HPS4: variants seen among roughly 807,000 people sequenced by gnomAD.
HPS4 encodes BLOC-3 complex member HPS4.
In HPS4, 44 loss-of-function variants were observed where a neutral mutation model predicts 70.3. That is an observed-to-expected ratio of 0.63 (90% CI 0.49 to 0.80). The LOEUF (loss-of-function observed/expected upper bound fraction) is 0.80. Ranked by LOEUF, HPS4 falls within the 30% of genes least tolerant of loss-of-function variation. The pLI, the probability that HPS4 is intolerant of heterozygous loss-of-function variation, is 0.00. For synonymous variants in HPS4, 377 were observed against 355.9 expected, an observed-to-expected ratio of 1.06 and a Z score of -0.67; for missense variants, 873 against 884.4, an observed-to-expected ratio of 0.99 and a Z score of 0.16.
intron 13 of HPS4, chr22:26,454,031 G>A (rs1238242242): frequency 2.6e-5 from 4 of 153,572 alleles, no homozygotes; most frequent in African/African-American, 4.8e-5. Context: ...CACCTGGGAG[G>A]AGCCAACTCC....
At chr22:26,480,590 C>T (rs562952612) in intron 2 of HPS4, among the ~76,000 whole-genome samples, 3 of 152,300 alleles carry the variant, frequency 2.0e-5, no homozygotes, top group African/African-American at 4.8e-5. Context: ...TGAAGCCTCC[C>T]TCCATGGCTC....
chr22:26,466,511 A>C, intron 8 of HPS4: 1 of 596,624 alleles, frequency 1.7e-6, no homozygotes, highest in Non-Finnish European at 3.0e-6. Context: ...CCAAACTCAC[A>C]TCACACTCTA....
chr22:26,457,943 G>A lies in HPS4; in HGVS notation c.1871C>T (p.Pro624Leu), dbSNP rs560591308. 29 of 1,613,572 alleles carry A rather than the reference G, an allele frequency of 1.8e-5. No homozygotes were observed. In the East Asian group the frequency reaches 2.5e-4, roughly 14 times the overall value. Reference sequence around the variant, plus strand: ...GGCCTGGAGGAAGCGGCGATCCTGCGGGGTGGCCACCTGCGGCAGGTTTGC... The same window carrying A: ...GGCCTGGAGGAAGCGGCGATCCTGCAGGGTGGCCACCTGCGGCAGGTTTGC... ...LMANLPQVAT[P>L]QDRRFLQAVS... is the part of the protein sequence containing the mutation. The change falls in exon 13 of 14, where the codon CCG becomes CTG. Residue 624 changes from proline to leucine, a missense_variant. Physicochemically the swap from Pro to Leu is moderately conservative, Grantham distance 98 (BLOSUM62 -3). Transcript: ENST00000398145.
intron 12 of HPS4, 82 bp downstream of exon 12, chr22:26,458,363 T>C (rs2086578703): frequency 1.3e-6 from 2 of 1,547,434 alleles, no homozygotes; most frequent in Admixed American, 3.3e-5. Context: ...CGTGTCATCA[T>C]GATGCTGGGG....
chr22:26,474,194 G>A (rs1342684108), intron 4 of HPS4, among the ~76,000 whole-genome samples: 1 of 152,306 alleles, frequency 6.6e-6, no homozygotes, highest in African/African-American at 2.4e-5. Context: ...TAAAGCTATA[G>A]AAATCAAGAC....
rs1433221509 is a variant in HPS4 at position 26,483,782 on chromosome 22, A to G, written c.-587T>C. The G allele has an allele frequency of 1.3e-6, 1 of 763,808 alleles. No individual in the cohort carries two copies. The highest frequency in any genetic ancestry group is 3.8e-5 in the South Asian group (1 of 26,152). 47.3% of individuals were successfully genotyped at this position (763,808 alleles called of 1,614,324 possible). On this transcript the variant is annotated 5_prime_UTR_variant, in exon 1 of 14. Coordinates refer to ENST00000398145, the MANE Select transcript of HPS4 (RefSeq NM_022081.6). ...CCCCGTACCTGCGCGCGCGGCAGAG[A>G]GGCCTTAGGTCACGCGCCGCCCCGC...
intron 6 of HPS4, 108 bp downstream of exon 6, chr22:26,472,194 T>A (rs2089918212): frequency 1.2e-6 from 1 of 807,380 alleles, no homozygotes; most frequent in Admixed American, 1.7e-5. Flanking sequence ...GCCTGAGAAG[T>A]GACATTCTAC....
At chr22:26,467,519 G>A (rs1421976946) in intron 8 of HPS4, 3 of 152,146 alleles carry the variant, frequency 2.0e-5, no homozygotes, top group African/African-American at 7.2e-5. Flanking sequence ...ATTCCTAGAA[G>A]TCAAATTATT....
intron 12 of HPS4, 33 bp from the exon 13 acceptor site, chr22:26,458,000 A>C (rs78776248): frequency 2.6e-6 from 4 of 1,549,766 alleles, no homozygotes; most frequent in Non-Finnish European, 3.5e-6. Context: ...TGTGAAGAGC[A>C]GACAGTTACC....
Position 26,481,953 on chromosome 22 carries a change from G to A in HPS4, c.-191C>T. 1.6e-6 allele frequency: 1 copy of A among 630,196 alleles called. No homozygotes were observed. The highest frequency in any genetic ancestry group is 2.9e-6 in the Non-Finnish European group (1 of 346,480). The allele number at this position is 630,196 out of a possible 1,614,324, so 39.0% of individuals were successfully genotyped here. On this transcript the variant is annotated 5_prime_UTR_variant, in exon 2 of 14. An upstream open reading frame in the 5' UTR gains an earlier in-frame stop. Transcript: ENST00000398145. ...ATGGAAAGTTCCACTTCCCTTCCTT[G>A]CAGGTTCTTCAGTTTCATGTATATT...
downstream of HPS4, chr22:26,443,219 T>C (rs1601708997): frequency 6.2e-7 from 1 of 1,612,194 alleles, no homozygotes. Context: ...GTATTTCCCA[T>C]GCTGGAGTCG....
chr22:26,479,972 G>T (rs966326494), intron 2 of HPS4, among the ~76,000 whole-genome samples: 2 of 152,176 alleles, frequency 1.3e-5, no homozygotes, highest in Non-Finnish European at 2.9e-5. Context: ...ACCTCACCAA[G>T]TATCATTCAA....
chr22:26,472,545 A>C (rs1326259374), intron 5 of HPS4, 127 bp from the exon 6 acceptor site: 1 of 791,924 alleles, frequency 1.3e-6, no homozygotes, highest in Non-Finnish European at 2.3e-6. Flanking sequence ...ACCTGTTTTA[A>C]ACCTATCCCA....
rs909615654 is a variant in HPS4 at position 26,452,365 on chromosome 22, A to G, written c.*868T>C. The G allele has an allele frequency of 1.1e-5, 5 of 456,744 alleles. No individual in the cohort carries two copies. Among genetic ancestry groups the G allele is most frequent in the Admixed American group, 9.4e-5 (4 of 42,552 alleles). The allele number at this position is 456,744 out of a possible 1,614,324, so 28.3% of individuals were successfully genotyped here. A position where few individuals can be genotyped will look rare whatever the true frequency, so the allele number is the denominator to read the frequency against. ...CTAAGTACCACACAAGCCCAGGAAC[A>G]CACAGCTGAGTGTCGCTCCCTTTCA... On this transcript the variant is annotated 3_prime_UTR_variant, in exon 14 of 14. Transcript: ENST00000398145.
chr22:26,482,695 G>A (rs1274300498), intron 1 of HPS4: 1 of 152,154 alleles, frequency 6.6e-6, no homozygotes, highest in East Asian at 1.9e-4. Context: ...GAGTCGGAAG[G>A]AACCCTGGCA....
At chr22:26,471,003 G>A (rs2089716432) in intron 6 of HPS4, 190 bp from the exon 7 acceptor site, 2 of 1,239,624 alleles carry the variant, frequency 1.6e-6, no homozygotes, top group African/African-American at 1.5e-5. Flanking sequence ...CAGAACTGCT[G>A]ACACCACTAA....
chr22:26,483,844 G>A, upstream of HPS4: 1 of 1,300,632 alleles, frequency 7.7e-7, no homozygotes, highest in Admixed American at 4.2e-5. Context: ...GCCGGCGCGC[G>A]GCGATGACGT....
At chr22:26,455,094 G>A (rs989034739) in intron 13 of HPS4, among the ~76,000 whole-genome samples, 1 of 152,016 alleles carries the variant, frequency 6.6e-6, no homozygotes, top group African/African-American at 2.4e-5. Context: ...AGGTGCTGGA[G>A]AGGATGTGGA....
downstream of HPS4, chr22:26,443,531 G>A (rs983567740): frequency 5.2e-6 from 1 of 193,488 alleles, no homozygotes; most frequent in Admixed American, 5.9e-5. Flanking sequence ...GTCTTCTGTT[G>A]CTACTTGTTT....
Sources: gnomAD v4.1 joint callset for allele counts (sites outside exome capture counted in the v4.1 genomes callset) on GRCh38, gnomAD v4.1.1 for gene constraint, MANE v1.5 for transcripts, NCBI Gene and HGNC (gene_info 2026-07-23, HGNC 2026-07-21) for gene names.